Variants in WNT2 observed in about 807,000 individuals in gnomAD.
WNT2 encodes the protein protein Wnt-2.
A neutral mutation model predicts 36.9 loss-of-function variants in WNT2; 12 were observed. The ratio of observed to expected loss-of-function variants is 0.33; its 90% CI spans 0.21 to 0.53. WNT2 has a LOEUF of 0.53. Among genes scored for constraint, WNT2 ranks in the 20% least tolerant of loss-of-function variants. The pLI is 0.95. For synonymous variants in WNT2, 163 were observed against 174.6 expected (o/e 0.93, Z 0.52); for missense variants, 379 against 473.1 (o/e 0.80, Z 1.84).
intron 4 of WNT2, among the ~76,000 whole-genome samples, chr7:117,291,201 C>T (rs947501113): frequency 2.6e-5 from 4 of 152,222 alleles, no homozygotes; most frequent in Admixed American, 2.0e-4. Context: ...ACACCATTCA[C>T]AGCCTGGAGT....
chr7:117,320,415 C>T, intron 2 of WNT2, 152 bp downstream of exon 2: 1 of 738,356 alleles, frequency 1.4e-6, no homozygotes, highest in Non-Finnish European at 2.3e-6. Context: ...TTTCTCTAGT[C>T]CTCACCTGTA....
At chr7:117,280,101 G>A (rs1185619594) in intron 4 of WNT2, among the ~76,000 whole-genome samples, 1 of 152,110 alleles carries the variant, frequency 6.6e-6, no homozygotes, top group East Asian at 1.9e-4. Flanking sequence ...ATTGGCGGCG[G>A]AGAGCAGGAA....
At chr7:117,318,070 T>TACTGTCTTATTCTG (rs1298815436) in intron 2 of WNT2, among the ~76,000 whole-genome samples, 12 of 152,222 alleles carry the variant, frequency 7.9e-5, no homozygotes, top group Admixed American at 6.5e-4. Flanking sequence ...CTAAAAATTG[T>TACTGTCTTATTCTG]ACTGTCTTAT....
intron 4 of WNT2, among the ~76,000 whole-genome samples, chr7:117,294,593 TAAAAAA>T (rs5886850): frequency 7.8e-6 from 1 of 128,412 alleles, no homozygotes; most frequent in African/African-American, 2.9e-5. Flanking sequence ...AACTGGCAAC[TAAAAAA>T]AAAAAAAAAA....
intron 3 of WNT2, among the ~76,000 whole-genome samples, chr7:117,301,912 A>ATTC (rs1249024212): frequency 2.0e-5 from 3 of 147,956 alleles, no homozygotes. Context: ...GGTTCAAGCG[A>ATTC]TTCTCCTGCC....
intron 2 of WNT2, among the ~76,000 whole-genome samples, chr7:117,315,826 A>G (rs867588708): frequency 1.1e-4 from 16 of 152,356 alleles, no homozygotes; most frequent in Admixed American, 8.5e-4. Context: ...GACTTACTGA[A>G]GATACTCATA....
intron 4 of WNT2, among the ~76,000 whole-genome samples, chr7:117,280,305 G>A (rs899688964): frequency 6.6e-6 from 1 of 152,122 alleles, no homozygotes; most frequent in Non-Finnish European, 1.5e-5. Flanking sequence ...ATGCAGAAAG[G>A]ACTCACTGCC....
At chr7:117,309,015 CT>C (rs1266367966) in intron 3 of WNT2, among the ~76,000 whole-genome samples, 2 of 149,262 alleles carry the variant, frequency 1.3e-5, no homozygotes, top group Non-Finnish European at 3.0e-5. Flanking sequence ...AAGACCCTGT[CT>C]CTATGAAACA....
intron 3 of WNT2, among the ~76,000 whole-genome samples, chr7:117,300,508 G>T (rs1197374242): frequency 6.6e-6 from 1 of 152,112 alleles, no homozygotes; most frequent in Admixed American, 6.5e-5. Flanking sequence ...CTTTAAAAGA[G>T]ACACGTGAGG....
At chr7:117,293,417 C>T (rs1435878674) in intron 4 of WNT2, among the ~76,000 whole-genome samples, 7 of 151,944 alleles carry the variant, frequency 4.6e-5, no homozygotes, top group East Asian at 1.9e-4. Flanking sequence ...AAGTAGAAGG[C>T]GCCCACTAAG....
chr7:117,279,932 G>A (rs567147039), intron 4 of WNT2, among the ~76,000 whole-genome samples: 1 of 152,078 alleles, frequency 6.6e-6, no homozygotes, highest in Admixed American at 6.5e-5. Flanking sequence ...ACGATGCCTC[G>A]TGACTGTCTC....
intron 2 of WNT2, 85 bp from the exon 3 acceptor site, chr7:117,315,433 C>A: frequency 7.2e-7 from 1 of 1,392,086 alleles, no homozygotes; most frequent in South Asian, 1.5e-5. Context: ...AATATTTGCT[C>A]TGTTTCAGAC....
intron 2 of WNT2, 146 bp downstream of exon 2, chr7:117,320,421 C>G: frequency 1.3e-6 from 1 of 778,424 alleles, no homozygotes; most frequent in Non-Finnish European, 2.1e-6. Flanking sequence ...TAGTCCTCAC[C>G]TGTAGAACAG....
At chr7:117,310,582 CA>C (rs774296887) in intron 3 of WNT2, among the ~76,000 whole-genome samples, 668 of 55,060 alleles carry the variant, frequency 0.012, 2 homozygotes, top group African/African-American at 0.029. Context: ...GACCCTGTCT[CA>C]AAAAAAAAAA....
chr7:117,307,125 G>C (rs1677183675), intron 3 of WNT2, among the ~76,000 whole-genome samples: 1 of 151,934 alleles, frequency 6.6e-6, no homozygotes, highest in Non-Finnish European at 1.5e-5. Context: ...GCAGAAGTCT[G>C]TTTAAAAAAA....
At chr7:117,290,754 G>T (rs1464038886) in intron 4 of WNT2, among the ~76,000 whole-genome samples, 1 of 152,190 alleles carries the variant, frequency 6.6e-6, no homozygotes, top group Non-Finnish European at 1.5e-5. Flanking sequence ...CCTGGCTACT[G>T]CTTCAAGGAC....
intron 4 of WNT2, among the ~76,000 whole-genome samples, chr7:117,296,034 C>T (rs923057668): frequency 2.0e-5 from 3 of 152,154 alleles, no homozygotes; most frequent in African/African-American, 7.2e-5. Flanking sequence ...ACCCAGTGCA[C>T]AGGAGTCAAT....
chr7:117,280,767 A>C (rs1004391500), intron 4 of WNT2, among the ~76,000 whole-genome samples: 1 of 152,254 alleles, frequency 6.6e-6, no homozygotes, highest in African/African-American at 2.4e-5. Flanking sequence ...TGGTGAGAAC[A>C]TAATGAGATA....
intron 4 of WNT2, among the ~76,000 whole-genome samples, chr7:117,286,444 C>T (rs1794581208): frequency 6.6e-6 from 1 of 151,850 alleles, no homozygotes; most frequent in South Asian, 2.1e-4. Context: ...TCCCTATTCT[C>T]TCTCTGTCTC....
Sources: gnomAD v4.1 joint callset for allele counts (sites outside exome capture counted in the v4.1 genomes callset) on GRCh38, gnomAD v4.1.1 for gene constraint, MANE v1.5 for transcripts, NCBI Gene and HGNC (gene_info 2026-07-23, HGNC 2026-07-21) for gene names.